BACH2: variants seen among roughly 807,000 people sequenced by gnomAD.
BACH2 encodes transcription regulator protein BACH2.
In BACH2, 5 loss-of-function variants were observed where a neutral mutation model predicts 61.8. The ratio of observed to expected loss-of-function variants is 0.08; its 90% CI spans 0.04 to 0.17. BACH2 has a LOEUF of 0.17. BACH2 is among the 10% of genes least tolerant of loss of function. The probability of loss-of-function intolerance (pLI) is 1.00; values close to 1 mark genes in which losing one functional copy is unlikely to be tolerated. For synonymous variants in BACH2, 446 were observed against 440.1 expected (o/e 1.01, Z -0.17); for missense variants, 824 against 1,091.1 (o/e 0.76, Z 3.45).
chr6:90,161,962 T>C (rs1785206847), intron 4 of BACH2, among the ~76,000 whole-genome samples: 1 of 152,218 alleles, frequency 6.6e-6, no homozygotes. Flanking sequence ...ATTAGTACTC[T>C]GACTTCCACA....
At chr6:90,014,493 T>TTTTTTTTTA in intron 5 of BACH2, among the ~76,000 whole-genome samples, 1 of 121,448 alleles carries the variant, frequency 8.2e-6, no homozygotes, top group African/African-American at 3.2e-5. Context: ...TTTTTTTTTT[T>TTTTTTTTTA]AGACAGATTC....
chr6:90,211,588 C>CTGTGTGTGTGTGTGTGTGTG (rs3072674), intron 3 of BACH2, among the ~76,000 whole-genome samples: 1 of 144,038 alleles, frequency 6.9e-6, no homozygotes, highest in South Asian at 2.3e-4. Flanking sequence ...GTGTCAAGGG[C>CTGTGTGTGTGTGTGTGTGTG]TGTGTGTGTG....
chr6:90,030,780 G>C (rs1406900313), intron 5 of BACH2, among the ~76,000 whole-genome samples: 1 of 151,982 alleles, frequency 6.6e-6, no homozygotes, highest in Non-Finnish European at 1.5e-5. Flanking sequence ...GAGGTACAAG[G>C]AGGGGCTGGT....
chr6:90,255,597 A>G (rs764710076), intron 2 of BACH2, among the ~76,000 whole-genome samples: 7 of 152,210 alleles, frequency 4.6e-5, no homozygotes, highest in Non-Finnish European at 1.0e-4. Context: ...AGAAGAAAAC[A>G]GCCAACTTTA....
intron 5 of BACH2, chr6:90,080,829 C>T: frequency 1.1e-6 from 1 of 946,304 alleles, no homozygotes; most frequent in Non-Finnish European, 1.3e-6. Context: ...ACATGCCCTG[C>T]AGAGCTAACA....
intron 7 of BACH2, among the ~76,000 whole-genome samples, chr6:89,949,581 G>C (rs1475849001): frequency 6.6e-6 from 1 of 152,140 alleles, no homozygotes; most frequent in Admixed American, 6.5e-5. Flanking sequence ...CAAGTACATT[G>C]CTTTCAGGGT....
At chr6:90,258,566 C>A (rs1297081474) in intron 2 of BACH2, among the ~76,000 whole-genome samples, 1 of 152,038 alleles carries the variant, frequency 6.6e-6, no homozygotes, top group Non-Finnish European at 1.5e-5. Flanking sequence ...TGGTTCTGTA[C>A]AAATTTAAGA....
At chr6:89,952,770 C>T (rs985618591) in intron 6 of BACH2, among the ~76,000 whole-genome samples, 2 of 152,238 alleles carry the variant, frequency 1.3e-5, no homozygotes, top group Non-Finnish European at 2.9e-5. Context: ...TTATGCACAG[C>T]TTGCATATGC....
intron 4 of BACH2, among the ~76,000 whole-genome samples, chr6:90,197,290 G>T (rs2127846584): frequency 1.3e-5 from 2 of 152,212 alleles, no homozygotes; most frequent in South Asian, 4.2e-4. Flanking sequence ...TAATAAACTG[G>T]ATTGGAAGCA....
chr6:89,932,937 G>A (rs772417032), intron 8 of BACH2, 47 bp from the exon 9 acceptor site: 12 of 1,512,004 alleles, frequency 7.9e-6, no homozygotes, highest in Non-Finnish European at 3.5e-6. Context: ...GCCTGAACTG[G>A]AGGACAGAAG....
chr6:90,210,597 G>A (rs1222322599), intron 3 of BACH2, among the ~76,000 whole-genome samples: 1 of 152,056 alleles, frequency 6.6e-6, no homozygotes, highest in East Asian at 1.9e-4. Flanking sequence ...AAAGCATTAG[G>A]GAAAAAGATA....
chr6:89,972,643 G>C (rs1319123057), intron 6 of BACH2, among the ~76,000 whole-genome samples: 1 of 152,066 alleles, frequency 6.6e-6, no homozygotes, highest in African/African-American at 2.4e-5. Context: ...CTGTAGCCTG[G>C]GGCTTTCTTT....
At chr6:90,049,461 G>C (rs1212560848) in intron 5 of BACH2, among the ~76,000 whole-genome samples, 2 of 152,150 alleles carry the variant, frequency 1.3e-5, no homozygotes, top group African/African-American at 4.8e-5. Flanking sequence ...TCTCTGTGTG[G>C]TCTGTGGAAC....
chr6:89,985,443 G>A lies in BACH2; in HGVS notation c.243+23159C>T, dbSNP rs542024513. Among the ~76,000 whole-genome samples, 6 of 152,222 alleles carry A rather than the reference G, an allele frequency of 3.9e-5. No individual in the cohort carries two copies. The East Asian group carries it at 7.7e-4, about 20-fold the overall frequency. On this transcript the variant is annotated intron_variant, in intron 6 of 8. Coordinates refer to ENST00000257749, the MANE Select transcript of BACH2 (RefSeq NM_021813.4). ...TCACAACTCCAGATGCTGTGGGGAG[G>A]TGGCAGCAGTCCAGTGGGGGCGGGA...
At chr6:90,210,308 A>G (rs1769296739) in intron 3 of BACH2, among the ~76,000 whole-genome samples, 2 of 118,588 alleles carry the variant, frequency 1.7e-5, no homozygotes, top group Non-Finnish European at 3.4e-5. Context: ...ACACACCCCA[A>G]AACAACACAC....
intron 3 of BACH2, among the ~76,000 whole-genome samples, chr6:90,214,294 T>C (rs1290711920): frequency 6.6e-6 from 1 of 151,946 alleles, no homozygotes; most frequent in Non-Finnish European, 1.5e-5. Context: ...GTTTCTTTGA[T>C]TTTATGCTGA....
At chr6:90,205,958 T>C (rs1769131147) in intron 4 of BACH2, among the ~76,000 whole-genome samples, 1 of 152,120 alleles carries the variant, frequency 6.6e-6, no homozygotes, top group Non-Finnish European at 1.5e-5. Context: ...ACTCACCAAT[T>C]TAATCAGGGA....
intron 5 of BACH2, among the ~76,000 whole-genome samples, chr6:90,033,908 A>ACTAGGAATT (rs1311136708): frequency 6.6e-6 from 1 of 152,176 alleles, no homozygotes; most frequent in Non-Finnish European, 1.5e-5. Flanking sequence ...CAAAAGAGAC[A>ACTAGGAATT]CTAGGAATTC....
intron 4 of BACH2, among the ~76,000 whole-genome samples, chr6:90,090,974 T>C (rs1272473374): frequency 6.6e-6 from 1 of 152,170 alleles, no homozygotes; most frequent in Non-Finnish European, 1.5e-5. Context: ...TTACAGTGTG[T>C]CCACTCCAAT....
Sources: allele counts gnomAD v4.1 joint callset (sites outside exome capture counted in the v4.1 genomes callset), GRCh38; gene constraint gnomAD v4.1.1; transcripts MANE v1.5; gene names NCBI Gene and HGNC (gene_info 2026-07-23, HGNC 2026-07-21).